ASIC2: variants seen among roughly 807,000 people sequenced by gnomAD.
The protein encoded by ASIC2 is acid-sensing ion channel 2.
ASIC2 carries 25 observed loss-of-function variants against 57.3 expected under a neutral mutation model. That is an observed-to-expected ratio of 0.44 (90% CI 0.32 to 0.61). The LOEUF (loss-of-function observed/expected upper bound fraction) is 0.61, where lower values mean the gene tolerates loss of function less well. Ranked by LOEUF, ASIC2 falls within the 20% of genes least tolerant of loss-of-function variation. The probability of loss-of-function intolerance (pLI) is 0.06; values close to 1 mark genes in which losing one functional copy is unlikely to be tolerated. For synonymous variants in ASIC2, 319 were observed against 307.5 expected, an observed-to-expected ratio of 1.04 and a Z score of -0.39; for missense variants, 641 against 738.1, an observed-to-expected ratio of 0.87 and a Z score of 1.52.
At chr17:33,186,870 A>G (rs1251226196) in intron 1 of ASIC2, among the ~76,000 whole-genome samples, 1 of 152,204 alleles carries the variant, frequency 6.6e-6, no homozygotes, top group East Asian at 1.9e-4. Flanking sequence ...AAAAATCATC[A>G]TTTTGAAGTG....
At chr17:33,715,230 G>T (rs1193173840) in intron 1 of ASIC2, among the ~76,000 whole-genome samples, 1 of 152,042 alleles carries the variant, frequency 6.6e-6, no homozygotes, top group Non-Finnish European at 1.5e-5. Context: ...TCCAACTTCT[G>T]GCCTCAAGCG....
chr17:33,755,358 C>G (rs1213290737), intron 1 of ASIC2, among the ~76,000 whole-genome samples: 1 of 152,146 alleles, frequency 6.6e-6, no homozygotes, highest in Admixed American at 6.5e-5. Context: ...GCCATAAGAC[C>G]CTATGTCTGT....
chr17:33,907,294 G>T (rs28624809), intron 1 of ASIC2, among the ~76,000 whole-genome samples: 63,571 of 152,046 alleles, frequency 0.42, 13,475 homozygotes, highest in Admixed American at 0.46. Context: ...TCCTTCCCCT[G>T]ATGGGAGTGG....
intron 1 of ASIC2, among the ~76,000 whole-genome samples, chr17:34,148,458 C>G (rs1904379081): frequency 6.6e-6 from 1 of 152,122 alleles, no homozygotes. Context: ...AAGGGCATGC[C>G]AAATGTTCGC....
intron 1 of ASIC2, among the ~76,000 whole-genome samples, chr17:33,683,836 C>T (rs554414557): frequency 1.3e-5 from 2 of 152,328 alleles, no homozygotes; most frequent in Non-Finnish European, 2.9e-5. Context: ...TAGAAGGACA[C>T]AGTTACATCG....
intron 2 of ASIC2, among the ~76,000 whole-genome samples, chr17:33,106,968 A>C (rs2092237543): frequency 6.6e-6 from 1 of 152,200 alleles, no homozygotes; most frequent in South Asian, 2.1e-4. Context: ...GGTTCCACTC[A>C]TTCCTGAGGC....
intron 1 of ASIC2, among the ~76,000 whole-genome samples, chr17:33,361,706 G>A (rs1011137892): frequency 3.1e-4 from 47 of 152,156 alleles, no homozygotes; most frequent in African/African-American, 1.1e-3. Context: ...ACTGATGATG[G>A]GTAGCAGAAT....
chr17:33,352,761 G>C (rs570595902), intron 1 of ASIC2, among the ~76,000 whole-genome samples: 1 of 152,128 alleles, frequency 6.6e-6, no homozygotes, highest in Non-Finnish European at 1.5e-5. Flanking sequence ...ACACTCAGCA[G>C]GTCCTCACGT....
intron 2 of ASIC2, among the ~76,000 whole-genome samples, chr17:33,110,310 C>T (rs2092252030): frequency 6.6e-6 from 1 of 152,200 alleles, no homozygotes; most frequent in African/African-American, 2.4e-5. Flanking sequence ...TGTCTACAGG[C>T]CCCCACGGTC....
At chr17:33,464,426 C>A (rs190993169) in intron 1 of ASIC2, among the ~76,000 whole-genome samples, 61 of 152,134 alleles carry the variant, frequency 4.0e-4, no homozygotes, top group Non-Finnish European at 4.1e-4. Context: ...TAATTCCAGA[C>A]TTCTACATCA....
chr17:33,280,474 T>C (rs1000040416), intron 1 of ASIC2, among the ~76,000 whole-genome samples: 1 of 152,132 alleles, frequency 6.6e-6, no homozygotes, highest in Non-Finnish European at 1.5e-5. Context: ...CATACAAACA[T>C]AGAGCTGGGA....
In ASIC2 at chr17:33,391,052, T is replaced by C. The variant is rs553999221; in HGVS notation, c.556-278985A>G. On this transcript the variant is annotated intron_variant, in intron 1 of 9. Coordinates refer to the ASIC2 transcript ENST00000359872. ...AGGAAATTGTATAGCCTCCACAACA[T>C]CTCTAACAAGTCTTCCTTAATCTTC... Among the ~76,000 whole-genome samples the C allele has an allele frequency of 1.8e-3, 274 of 152,306 alleles. 2 individuals are homozygous for C. Among genetic ancestry groups the C allele is most frequent in the Non-Finnish European group, 2.5e-3 (173 of 68,028 alleles).
At chr17:33,374,873 A>G (rs1179033976) in intron 1 of ASIC2, among the ~76,000 whole-genome samples, 1 of 152,080 alleles carries the variant, frequency 6.6e-6, no homozygotes, top group Admixed American at 6.6e-5. Flanking sequence ...CTTTGTAGAG[A>G]GATGATCTCG....
chr17:34,016,012 G>A (rs986185118), intron 1 of ASIC2, among the ~76,000 whole-genome samples: 2 of 152,186 alleles, frequency 1.3e-5, no homozygotes, highest in Non-Finnish European at 2.9e-5. Flanking sequence ...CAAAATAAAT[G>A]TACCTCTCAA....
chr17:33,177,474 A>C (rs1905805672), intron 1 of ASIC2, among the ~76,000 whole-genome samples: 1 of 152,212 alleles, frequency 6.6e-6, no homozygotes, highest in Non-Finnish European at 1.5e-5. Flanking sequence ...GGGGACACCA[A>C]ACACAAGTCA....
chr17:33,888,614 G>A (rs1914886940), intron 1 of ASIC2, among the ~76,000 whole-genome samples: 1 of 152,174 alleles, frequency 6.6e-6, no homozygotes, highest in Non-Finnish European at 1.5e-5. Context: ...GGGGTGTGGT[G>A]AGACTGCTTT....
Position 34,068,484 on chromosome 17 carries a change from G to A in ASIC2, c.555+87494C>T, listed in dbSNP as rs543466384. ...GCAGCAAAAGAATTGGCTTCTAGAT[G>A]TCAAGAAAGATGGATTCCAATCCCA... On this transcript the variant is annotated intron_variant, in intron 1 of 9. Transcript: ENST00000359872. Among the ~76,000 whole-genome samples the A allele has an allele frequency of 8.5e-5, 13 of 152,268 alleles. No homozygotes were observed. In the South Asian group the frequency reaches 2.1e-3, roughly 24 times the overall value.
intron 1 of ASIC2, among the ~76,000 whole-genome samples, chr17:33,941,203 G>A (rs2141978731): frequency 6.6e-6 from 1 of 152,304 alleles, no homozygotes; most frequent in East Asian, 1.9e-4. Context: ...CCCTGCCAGG[G>A]AGTCCTAGTG....
At chr17:33,381,419 GTC>G (rs1909484209) in intron 1 of ASIC2, among the ~76,000 whole-genome samples, 1 of 152,220 alleles carries the variant, frequency 6.6e-6, no homozygotes, top group South Asian at 2.1e-4. Flanking sequence ...TGCCCAGCAA[GTC>G]CAGCCCAGCC....
Sources: gnomAD v4.1 joint callset for allele counts (sites outside exome capture counted in the v4.1 genomes callset) on GRCh38, gnomAD v4.1.1 for gene constraint, MANE v1.5 for transcripts, NCBI Gene and HGNC (gene_info 2026-07-23, HGNC 2026-07-21) for gene names.